The following DRC1 variants were observed in gnomAD, a reference collection of about 807,000 sequenced individuals.
DRC1 encodes the protein dynein regulatory complex subunit 1.
DRC1 carries 74 observed loss-of-function variants against 98.7 expected under a neutral mutation model. The observed-to-expected ratio is 0.75, with a 90% CI of 0.62 to 0.91. The LOEUF (loss-of-function observed/expected upper bound fraction) is 0.91, where lower values mean the gene tolerates loss of function less well. Among genes scored for constraint, DRC1 ranks in the 40% least tolerant of loss-of-function variants. DRC1 has a pLI of 0.00. For synonymous variants in DRC1, 336 were observed against 334.1 expected, an observed-to-expected ratio of 1.01 and a Z score of -0.06; for missense variants, 875 against 886.0, an observed-to-expected ratio of 0.99 and a Z score of 0.16.
chr2:26,419,411 T>C (rs2147984143), intron 2 of DRC1, among the ~76,000 whole-genome samples: 1 of 152,316 alleles, frequency 6.6e-6, no homozygotes, highest in South Asian at 2.1e-4. Flanking sequence ...ATGGTACTTA[T>C]ACAGAACTCT....
At chr2:26,403,886 G>A (rs1475612411) in intron 1 of DRC1, among the ~76,000 whole-genome samples, 3 of 151,644 alleles carry the variant, frequency 2.0e-5, no homozygotes, top group Non-Finnish European at 4.4e-5. Context: ...GGGATCACGA[G>A]GTCAGGAGTT....
At chr2:26,455,578 C>T (rs973967419) in intron 16 of DRC1, among the ~76,000 whole-genome samples, 5 of 152,250 alleles carry the variant, frequency 3.3e-5, no homozygotes, top group Non-Finnish European at 7.3e-5. Flanking sequence ...TCCATCCTCA[C>T]ACCCGCTGTG....
chr2:26,437,076 G>A (rs1663592910), intron 7 of DRC1, among the ~76,000 whole-genome samples: 1 of 152,210 alleles, frequency 6.6e-6, no homozygotes, highest in Admixed American at 6.5e-5. Context: ...TTTGTGTTCT[G>A]ATTCCTGACC....
Position 26,402,138 on chromosome 2 carries a change from G to T in DRC1, c.149G>T (p.Arg50Leu), listed in dbSNP as rs1307292452. 5 of 1,604,832 alleles carry T rather than the reference G, an allele frequency of 3.1e-6. No individual in the cohort carries two copies. In the Admixed American group the frequency reaches 8.4e-5, roughly 27 times the overall value. Residue 50 changes from arginine to leucine, a missense_variant, in exon 1 of 17, where the codon CGG becomes CTG. Coordinates refer to ENST00000288710, the MANE Select transcript of DRC1 (RefSeq NM_145038.5). ...CGCATCGCTGCGCGCTTAGAAGCCC[G>T]GAGGCGGTGAGCGCGGGGGCGGGCG... Reference protein sequence around the residue: ...RLRIAARLEARRREALGEYLD... With the variant: ...RLRIAARLEALRREALGEYLD...
chr2:26,415,356 G>A (rs541066347), intron 2 of DRC1, among the ~76,000 whole-genome samples: 3 of 152,280 alleles, frequency 2.0e-5, no homozygotes, highest in East Asian at 1.9e-4. Context: ...GGGAAAGTTC[G>A]ATGGAGAAAG....
chr2:26,443,506 T>A (rs562697850), intron 8 of DRC1, among the ~76,000 whole-genome samples: 1 of 152,200 alleles, frequency 6.6e-6, no homozygotes, highest in Non-Finnish European at 1.5e-5. Flanking sequence ...ATGCCTCACC[T>A]CTGGGCTCCC....
intron 7 of DRC1, among the ~76,000 whole-genome samples, chr2:26,436,641 C>T (rs1318992660): frequency 6.6e-6 from 1 of 152,140 alleles, no homozygotes; most frequent in African/African-American, 2.4e-5. Flanking sequence ...ATGTAATAAC[C>T]TGCCTTTAAG....
At chr2:26,443,648 C>G (rs1031891944) in intron 8 of DRC1, among the ~76,000 whole-genome samples, 1 of 152,216 alleles carries the variant, frequency 6.6e-6, no homozygotes, top group Non-Finnish European at 1.5e-5. Context: ...TGTCTTTCAA[C>G]ATATCCTTGC....
At chr2:26,455,713 A>G (rs1463014970) in intron 16 of DRC1, among the ~76,000 whole-genome samples, 5 of 152,252 alleles carry the variant, frequency 3.3e-5, no homozygotes, top group Non-Finnish European at 7.3e-5. Flanking sequence ...CCTGCCTGGG[A>G]TATGACTGGA....
intron 5 of DRC1, chr2:26,430,431 T>C (rs964876611): frequency 3.3e-5 from 15 of 452,744 alleles, no homozygotes; most frequent in East Asian, 2.7e-4. Flanking sequence ...TCCCCAACCA[T>C]GGCAACGAAC....
At chr2:26,455,816 C>A (rs1203227041) in intron 16 of DRC1, among the ~76,000 whole-genome samples, 1 of 152,240 alleles carries the variant, frequency 6.6e-6, no homozygotes, top group Non-Finnish European at 1.5e-5. Flanking sequence ...TGGACAACTT[C>A]CCCATGGCCT....
In DRC1 at chr2:26,444,188, C is replaced by T. The variant is rs774306956; in HGVS notation, c.1029-34C>T. On this transcript the variant is annotated intron_variant, in intron 8 of 16. Coordinates refer to ENST00000288710, the MANE Select transcript of DRC1 (RefSeq NM_145038.5). ...AGGAACATACATAATACCTTCTATT[C>T]AGCTGCAGACTAACCTTTTTCTCCT... The T allele has an allele frequency of 1.7e-5, 27 of 1,613,300 alleles. No individual in the cohort carries two copies. In the East Asian group the frequency reaches 5.8e-4, roughly 35 times the overall value.
chr2:26,437,313 A>G (rs112977677), intron 7 of DRC1, among the ~76,000 whole-genome samples: 33 of 152,360 alleles, frequency 2.2e-4, no homozygotes, highest in African/African-American at 7.2e-4. Context: ...GGCATCATCC[A>G]TAGGTCCTTT....
chr2:26,434,751 T>C (rs1389091621), intron 7 of DRC1, among the ~76,000 whole-genome samples: 1 of 151,150 alleles, frequency 6.6e-6, no homozygotes, highest in Non-Finnish European at 1.5e-5. Flanking sequence ...ATTAGCCGGG[T>C]GTGGTGGCGG....
chr2:26,405,973 A>T lies in DRC1; in HGVS notation c.155+3829A>T, dbSNP rs1678411222. ...CTGCGCCCTGCCTCTATTCTTTATT[A>T]GTGGTTGGGGCCGCGCATTGTGCGT... On this transcript the variant is annotated intron_variant, in intron 1 of 16. Transcript: ENST00000288710. Among the ~76,000 whole-genome samples, 5 of 152,036 alleles carry T rather than the reference A, an allele frequency of 3.3e-5. No homozygotes were observed. The South Asian group carries it at 1.0e-3, about 32-fold the overall frequency.
In DRC1 at chr2:26,450,006, T is replaced by G; in HGVS notation, c.1520T>G (p.Ile507Arg). 6.2e-7 allele frequency: 1 copy of G among 1,613,784 alleles called. No homozygotes were observed. Among genetic ancestry groups the G allele is most frequent in the Non-Finnish European group, 8.5e-7 (1 of 1,179,940 alleles). Residue 507 changes from isoleucine (I) to arginine (R), a missense_variant, in exon 12 of 17, where the codon ATA (isoleucine) becomes AGA (arginine). Coordinates refer to ENST00000288710, the MANE Select transcript of DRC1 (RefSeq NM_145038.5). The part of the protein sequence containing the change: ...MLLCDESGFL[I>R]ESKLLSLLLP... ...CTTCCTTCTCCCCAGGGGTTCCTCA[T>G]AGAGAGCAAGCTGCTGAGCCTTCTC... is the stretch of plus-strand genomic sequence containing the variant.
chr2:26,438,598 C>T lies in DRC1; in HGVS notation c.889-1780C>T, dbSNP rs74375681. ...TGAAAAAATCTCTGCCATGGTGACG[C>T]AGAATATCCTTGACTAATTCCCTCT... is the stretch of plus-strand genomic sequence containing the variant. On this transcript the variant is annotated intron_variant, in intron 7 of 16. Coordinates refer to ENST00000288710, the MANE Select transcript of DRC1 (RefSeq NM_145038.5). Among the ~76,000 whole-genome samples the T allele has an allele frequency of 1.0e-2, 1,521 of 152,274 alleles. 23 individuals are homozygous for T. Among genetic ancestry groups the T allele is most frequent in the African/African-American group, 0.035 (1,458 of 41,534 alleles).
intron 1 of DRC1, among the ~76,000 whole-genome samples, chr2:26,409,804 A>T (rs950569215): frequency 6.6e-6 from 1 of 152,126 alleles, no homozygotes; most frequent in African/African-American, 2.4e-5. Flanking sequence ...CCATGTTTTA[A>T]TTTTTTCATA....
chr2:26,418,621 A>ATT (rs1678915970), intron 2 of DRC1, among the ~76,000 whole-genome samples: 1 of 90,488 alleles, frequency 1.1e-5, no homozygotes, highest in Admixed American at 1.6e-4. Flanking sequence ...ATTATATATA[A>ATT]TATAAATTAT....
Sources: gnomAD v4.1 joint callset for allele counts (sites outside exome capture counted in the v4.1 genomes callset) on GRCh38, gnomAD v4.1.1 for gene constraint, MANE v1.5 for transcripts, NCBI Gene and HGNC (gene_info 2026-07-23, HGNC 2026-07-21) for gene names.